PTPN21: variants seen among roughly 807,000 people sequenced by gnomAD.
PTPN21 encodes the protein tyrosine-protein phosphatase non-receptor type 21.
A neutral mutation model predicts 131.8 loss-of-function variants in PTPN21; 77 were observed. The ratio of observed to expected loss-of-function variants is 0.58; its 90% CI spans 0.49 to 0.71. PTPN21 has a LOEUF of 0.71. Among genes scored for constraint, PTPN21 ranks in the 30% least tolerant of loss-of-function variants. The pLI, the probability that PTPN21 is intolerant of heterozygous loss-of-function variation, is 0.00. For missense variants in PTPN21, 1,552 were observed against 1,527.1 expected (o/e 1.02, Z -0.27); for synonymous variants, 715 against 621.3 (o/e 1.15, Z -2.24).
At chr14:88,524,203 C>T (rs2078442103) in intron 2 of PTPN21, among the ~76,000 whole-genome samples, 1 of 152,128 alleles carries the variant, frequency 6.6e-6, no homozygotes, top group South Asian at 2.1e-4. Context: ...AATTGGAGGA[C>T]TCACACTTCC....
At chr14:88,509,294 A>G (rs1826269368) in intron 3 of PTPN21, among the ~76,000 whole-genome samples, 1 of 152,198 alleles carries the variant, frequency 6.6e-6, no homozygotes, top group African/African-American at 2.4e-5. Flanking sequence ...AGTGCAGTCT[A>G]TGGAGCCATC....
intron 2 of PTPN21, chr14:88,547,653 T>C: frequency 2.2e-6 from 1 of 455,736 alleles, no homozygotes; most frequent in Non-Finnish European, 4.4e-6. Flanking sequence ...ACCTCATCCC[T>C]AAAAAAGAAT....
Position 88,485,815 on chromosome 14 carries a change from T to C in PTPN21, c.960A>G (p.Pro320=). ...NLQTQTVTVN[P]IRRRSSSRMS... ...TCCTTGAAGAAGACCTCCTCCTGAT[T>C]GGGTTCACTGTGACAGTCTGAGTTT... Residue 320 remains proline, a synonymous_variant, in exon 11 of 19, where the codon CCA becomes CCG. Transcript: ENST00000556564. The C allele has an allele frequency of 6.2e-7, 1 of 1,609,264 alleles. No homozygotes were observed. The highest frequency in any genetic ancestry group is 1.3e-5 in the African/African-American group (1 of 74,936).
In PTPN21 at chr14:88,518,667, T is replaced by C. The variant is rs112853999; in HGVS notation, c.181-1406A>G. ...GCTGGTCTCGAACTCCTGACCTCAG[T>C]TGATCCGCCCACCTCGGCCTCCCAA... On this transcript the variant is annotated intron_variant, in intron 2 of 18. Coordinates refer to ENST00000556564, the MANE Select transcript of PTPN21 (RefSeq NM_007039.4). 6.9e-3 allele frequency among the ~76,000 whole-genome samples: 1,038 copies of C among 150,506 alleles called. 2 individuals are homozygous for C. Among genetic ancestry groups the C allele is most frequent in the Admixed American group, 0.013 (193 of 14,948 alleles).
chr14:88,518,257 T>A lies in PTPN21; in HGVS notation c.181-996A>T, dbSNP rs540109143. On this transcript the variant is annotated intron_variant, in intron 2 of 18. Coordinates refer to ENST00000556564, the MANE Select transcript of PTPN21 (RefSeq NM_007039.4). The stretch of plus-strand genomic sequence containing the variant: ...AAAAAAAAAAAAAAAAAAAAAAAAA[T>A]ATATATATATATATATACACACACA... 3.3e-3 allele frequency among the ~76,000 whole-genome samples: 158 copies of A among 47,882 alleles called. 1 individual carries two copies. The highest frequency in any genetic ancestry group is 0.013 in the African/African-American group (120 of 9,344). The allele number at this position is 47,882 out of a possible 152,430, so 31.4% of individuals were successfully genotyped here.
chr14:88,507,906 G>A lies in PTPN21; in HGVS notation c.448+17C>T. ...TAATCTGATAGAACCATTTCATTATGAATTGATCTTATTTACCTTGAACAG... is the reference window on the plus strand; with the variant it reads ...TAATCTGATAGAACCATTTCATTATAAATTGATCTTATTTACCTTGAACAG... On this transcript the variant is annotated intron_variant, in intron 4 of 18. Coordinates refer to ENST00000556564, the MANE Select transcript of PTPN21 (RefSeq NM_007039.4). 1 of 1,481,262 alleles carries A rather than the reference G, an allele frequency of 6.8e-7. No homozygotes were observed. Among genetic ancestry groups the A allele is most frequent in the Non-Finnish European group, 9.3e-7 (1 of 1,075,040 alleles). The allele number at this position is 1,481,262 out of a possible 1,614,324, so 91.8% of individuals were successfully genotyped here.
In PTPN21 at chr14:88,517,245, A is replaced by C. The variant is rs759292097; in HGVS notation, c.197T>G (p.Leu66Arg). The C allele has an allele frequency of 1.2e-6, 2 of 1,614,082 alleles. No homozygotes were observed. The highest frequency in any genetic ancestry group is 2.2e-5 in the East Asian group (1 of 44,872). ...LELREVTYFS[L>R]WYYNKQNQRR... ...CTGATTTTGCTTGTTGTAGTACCAGAGGCTGAAGTAAGTGACCTGGAAAGA... is the reference window on the plus strand; with the variant it reads ...CTGATTTTGCTTGTTGTAGTACCAGCGGCTGAAGTAAGTGACCTGGAAAGA... The change falls in exon 3 of 19, where the codon CTC (leucine) becomes CGC (arginine). Residue 66 changes from leucine (L) to arginine (R), a missense_variant. Coordinates refer to ENST00000556564, the MANE Select transcript of PTPN21 (RefSeq NM_007039.4).
chr14:88,467,101 C>T lies in PTPN21; in HGVS notation c.*1036G>A, dbSNP rs1429376500. 3 of 152,142 alleles carry T rather than the reference C, an allele frequency of 2.0e-5. No individual in the cohort carries two copies. Among genetic ancestry groups the T allele is most frequent in the African/African-American group, 2.4e-5 (1 of 41,412 alleles). 9.4% of individuals were successfully genotyped at this position (152,142 alleles called of 1,614,324 possible). On this transcript the variant is annotated 3_prime_UTR_variant, in exon 19 of 19. Transcript: ENST00000556564. ...CACCTCAGTCTGAGTATAGATAATACTGCATTTTTGTAAAGACGAAGGCAT... is the reference window on the plus strand; with the variant it reads ...CACCTCAGTCTGAGTATAGATAATATTGCATTTTTGTAAAGACGAAGGCAT...
In PTPN21 at chr14:88,468,057, G is replaced by A; in HGVS notation, c.*80C>T. 1 of 1,525,150 alleles carries A rather than the reference G, an allele frequency of 6.6e-7. No individual in the cohort carries two copies. The highest frequency in any genetic ancestry group is 9.0e-7 in the Non-Finnish European group (1 of 1,106,846). The allele number at this position is 1,525,150 out of a possible 1,614,324, so 94.5% of individuals were successfully genotyped here. ...CGCTGCGTGGATCAAGTGTCAACGG[G>A]AAAGTATGAGTTAGGCAAGCGCTTT... On this transcript the variant is annotated 3_prime_UTR_variant, in exon 19 of 19. Coordinates refer to ENST00000556564, the MANE Select transcript of PTPN21 (RefSeq NM_007039.4).
At chr14:88,482,530 T>G (rs2077666519) in intron 12 of PTPN21, among the ~76,000 whole-genome samples, 1 of 151,688 alleles carries the variant, frequency 6.6e-6, no homozygotes, top group Non-Finnish European at 1.5e-5. Flanking sequence ...AGGCTGAGGC[T>G]TGAACCCAGG....
chr14:88,524,283 A>G (rs908788271), intron 2 of PTPN21, among the ~76,000 whole-genome samples: 4 of 152,222 alleles, frequency 2.6e-5, no homozygotes, highest in African/African-American at 9.6e-5. Flanking sequence ...AGAGACATAT[A>G]GACAAATAGA....
Position 88,479,549 on chromosome 14 carries a change from G to T in PTPN21, c.1882C>A (p.Arg628Ser). 1 of 1,599,208 alleles carries T rather than the reference G, an allele frequency of 6.3e-7. No homozygotes were observed. The highest frequency in any genetic ancestry group is 8.5e-7 in the Non-Finnish European group (1 of 1,178,986). The change falls in exon 13 of 19, where the codon CGC becomes AGC. Residue 628 changes from arginine (R) to serine (S), a missense_variant. Around this residue, in one of 4 missense-constraint regions of PTPN21, gnomAD observed 1,016 missense variants for 883.5 expected, o/e 1.15. Transcript: ENST00000556564. The stretch of plus-strand genomic sequence containing the variant: ...TTCCGTTTGTGCAGCTGCGCGTGGC[G>T]CGCGGCGGTGAGGGGCTCGCTGACC... Reference protein sequence around the residue: ...QEVSEPLTAARHAQLHKRNSI... With the variant: ...QEVSEPLTAASHAQLHKRNSI...
rs895873353 is a variant in PTPN21, at chr14:88,496,396, G to A, written c.932+17C>T. 4 of 1,579,558 alleles carry A rather than the reference G, an allele frequency of 2.5e-6. No individual in the cohort carries two copies. Among genetic ancestry groups the A allele is most frequent in the Non-Finnish European group, 3.5e-6 (4 of 1,149,402 alleles). ...ATTCATTATTTTTGATAATTTCCATGAGCAGGACATACTTACAGGTTACAC... is the reference window on the plus strand; with the variant it reads ...ATTCATTATTTTTGATAATTTCCATAAGCAGGACATACTTACAGGTTACAC... On this transcript the variant is annotated intron_variant, in intron 10 of 18. Transcript: ENST00000556564.
intron 13 of PTPN21, 48 bp downstream of exon 13, chr14:88,478,872 G>A (rs2077586102): frequency 7.6e-7 from 1 of 1,310,094 alleles, no homozygotes; most frequent in Middle Eastern, 2.1e-4. Flanking sequence ...GAAGCGCCAG[G>A]GCGAACGCGC....
chr14:88,492,502 G>A (rs2077840276), intron 10 of PTPN21, among the ~76,000 whole-genome samples: 1 of 152,138 alleles, frequency 6.6e-6, no homozygotes, highest in Non-Finnish European at 1.5e-5. Context: ...CCAGACCAGC[G>A]ATGGGGACTC....
At position 88,550,249 on chromosome 14, in the gene PTPN21, C is replaced by G. The variant is rs757485386; in HGVS notation, c.169G>C (p.Glu57Gln). 1 of 1,613,770 alleles carries G rather than the reference C, an allele frequency of 6.2e-7. No individual in the cohort carries two copies. The highest frequency in any genetic ancestry group is 1.7e-5 in the Admixed American group (1 of 59,992). Residue 57 changes from glutamate to glutamine, a missense_variant, in exon 2 of 19, where the codon GAG becomes CAG. Coordinates refer to ENST00000556564, the MANE Select transcript of PTPN21 (RefSeq NM_007039.4). ...TTTAGGTGGCTTACCTCCCGCAGCT[C>G]CAGCCTCTGGGCCACGGCCTCGAGG... ...ESLEAVAQRL[E>Q]LREVTYFSLW...
intron 9 of PTPN21, among the ~76,000 whole-genome samples, chr14:88,496,822 G>A (rs543800332): frequency 6.6e-6 from 1 of 152,278 alleles, no homozygotes; most frequent in Admixed American, 6.5e-5. Flanking sequence ...ATATGACTCA[G>A]TAACTCAATA....
intron 2 of PTPN21, among the ~76,000 whole-genome samples, chr14:88,526,764 T>C (rs2078484739): frequency 1.3e-5 from 2 of 152,126 alleles, no homozygotes; most frequent in Admixed American, 6.5e-5. Context: ...ATGTGAGTAG[T>C]GTACACTGTA....
chr14:88,550,203 C>A, intron 2 of PTPN21, 35 bp downstream of exon 2: 1 of 1,591,220 alleles, frequency 6.3e-7, no homozygotes, highest in Non-Finnish European at 8.5e-7. Context: ...CTTGAGCCAC[C>A]CGCGCCTGGC....
Sources: gnomAD v4.1 joint callset for allele counts (sites outside exome capture counted in the v4.1 genomes callset) on GRCh38, gnomAD v4.1.1 for gene constraint, gnomAD v4.1.1 regional missense constraint, MANE v1.5 for transcripts, NCBI Gene and HGNC (gene_info 2026-07-23, HGNC 2026-07-21) for gene names.